PTPN13: variants seen among roughly 807,000 people sequenced by gnomAD.
PTPN13 encodes the protein tyrosine-protein phosphatase non-receptor type 13.
PTPN13 carries 191 observed loss-of-function variants against 284.0 expected under a neutral mutation model. That is an observed-to-expected ratio of 0.67 (90% CI 0.60 to 0.76). The LOEUF (loss-of-function observed/expected upper bound fraction) is 0.76. Ranked by LOEUF, PTPN13 falls within the 30% of genes least tolerant of loss-of-function variation. PTPN13 has a pLI of 0.00. For missense variants in PTPN13, 2,797 were observed against 2,939.9 expected, an observed-to-expected ratio of 0.95 and a Z score of 1.12; for synonymous variants, 986 against 1,022.3, an observed-to-expected ratio of 0.96 and a Z score of 0.68.
chr4:86,741,881 A>G (rs181644899), intron 16 of PTPN13, 65 bp downstream of exon 16: 62 of 1,380,458 alleles, frequency 4.5e-5, no homozygotes, highest in Admixed American at 6.6e-5. Flanking sequence ...AATGTAACAT[A>G]TTAACAGACT....
At chr4:86,648,220 T>C (rs1398348311) in intron 2 of PTPN13, among the ~76,000 whole-genome samples, 4 of 152,180 alleles carry the variant, frequency 2.6e-5, no homozygotes, top group Non-Finnish European at 4.4e-5. Flanking sequence ...CATTTCTTTG[T>C]GTTAAGAACA....
intron 8 of PTPN13, 142 bp from the exon 9 acceptor site, chr4:86,716,882 A>C (rs1733086675): frequency 9.4e-6 from 6 of 639,318 alleles, no homozygotes; most frequent in African/African-American, 1.8e-5. Flanking sequence ...ACCTCAAAAG[A>C]GTTTAATAAC....
chr4:86,783,758 T>A (rs1166056289), intron 37 of PTPN13, among the ~76,000 whole-genome samples: 1 of 152,118 alleles, frequency 6.6e-6, no homozygotes, highest in African/African-American at 2.4e-5. Flanking sequence ...TATAAAATTA[T>A]TTTAATTTAT....
chr4:86,597,602 T>C (rs1382710536), intron 1 of PTPN13, among the ~76,000 whole-genome samples: 1 of 152,156 alleles, frequency 6.6e-6, no homozygotes, highest in Non-Finnish European at 1.5e-5. Flanking sequence ...TAATAATCCT[T>C]TGAGTTTGGG....
At chr4:86,797,900 A>G (rs1053224055) in intron 41 of PTPN13, among the ~76,000 whole-genome samples, 1 of 152,078 alleles carries the variant, frequency 6.6e-6, no homozygotes, top group Admixed American at 6.5e-5. Context: ...GGGGACTTCA[A>G]AAAGTTCATG....
chr4:86,759,469 C>T (rs995532052), intron 23 of PTPN13, among the ~76,000 whole-genome samples: 2 of 152,216 alleles, frequency 1.3e-5, no homozygotes, highest in Admixed American at 6.5e-5. Context: ...AGCTATATGA[C>T]TTAAGCCTTC....
intron 7 of PTPN13, among the ~76,000 whole-genome samples, chr4:86,705,982 T>A (rs1210440384): frequency 6.6e-6 from 1 of 152,178 alleles, no homozygotes; most frequent in African/African-American, 2.4e-5. Context: ...AATATAGCTT[T>A]TTCCTTAACC....
chr4:86,802,596 G>C (rs1485001571), intron 42 of PTPN13, among the ~76,000 whole-genome samples: 1 of 152,134 alleles, frequency 6.6e-6, no homozygotes, highest in African/African-American at 2.4e-5. Flanking sequence ...GTGGGAGTGT[G>C]CTAGGGCTGA....
At chr4:86,814,372 C>T (rs1745569924) in intron 47 of PTPN13, 84 bp from the exon 48 acceptor site, 12 of 896,718 alleles carry the variant, frequency 1.3e-5, no homozygotes, top group South Asian at 2.2e-5. Flanking sequence ...CATCCAACAT[C>T]ACTTCCAATA....
At chr4:86,682,427 T>G (rs1279591551) in intron 3 of PTPN13, among the ~76,000 whole-genome samples, 1 of 131,874 alleles carries the variant, frequency 7.6e-6, no homozygotes, top group Non-Finnish European at 1.7e-5. Context: ...GATCAAAACT[T>G]TTTTTTTTTT....
At chr4:86,670,127 C>T (rs1465710493) in intron 2 of PTPN13, among the ~76,000 whole-genome samples, 4 of 149,748 alleles carry the variant, frequency 2.7e-5, no homozygotes, top group Non-Finnish European at 4.4e-5. Context: ...GTTTGAGTAC[C>T]CTAGGGCTCA....
rs544971012 is a variant in PTPN13 at position 86,613,633 on chromosome 4, C to CAAAAAAAAAAAAAAAAAAAA, written c.-6+18862_-6+18863insAAAAAAAAAAAAAAAAAAAA. Among the ~76,000 whole-genome samples, 139 of 61,432 alleles carry CAAAAAAAAAAAAAAAAAAAA rather than the reference C, an allele frequency of 2.3e-3. 2 individuals carry two copies. The highest frequency in any genetic ancestry group is 3.2e-3 in the Non-Finnish European group (90 of 27,810). 40.3% of individuals were successfully genotyped at this position (61,432 alleles called of 152,430 possible). A position where few individuals can be genotyped will look rare whatever the true frequency, so the allele number is the denominator to read the frequency against. On this transcript the variant is annotated intron_variant, in intron 1 of 47. Transcript: ENST00000411767. ...TGGGCGACAAGGTGAGACTCCGTCT[C>CAAAAAAAAAAAAAAAAAAAA]AAAAAAAAAAAAAAAAAAGAGTTTG...
At chr4:86,789,232 A>G (rs769599254) in intron 40 of PTPN13, among the ~76,000 whole-genome samples, 1 of 152,224 alleles carries the variant, frequency 6.6e-6, no homozygotes. Context: ...ATGGATCAAT[A>G]TGCTTTCTAA....
intron 6 of PTPN13, among the ~76,000 whole-genome samples, chr4:86,699,549 C>T (rs1730934401): frequency 6.6e-6 from 1 of 152,144 alleles, no homozygotes; most frequent in South Asian, 2.1e-4. Context: ...AAAAGTGAAA[C>T]AGTCATTGTG....
chr4:86,789,351 A>G (rs1248912883), intron 40 of PTPN13, among the ~76,000 whole-genome samples: 1 of 152,154 alleles, frequency 6.6e-6, no homozygotes, highest in Non-Finnish European at 1.5e-5. Context: ...ACTCTCCATC[A>G]CCTGAGGATA....
chr4:86,782,372 A>G (rs1247483613), intron 37 of PTPN13, 110 bp downstream of exon 37: 1 of 1,009,338 alleles, frequency 9.9e-7, no homozygotes, highest in Non-Finnish European at 1.5e-6. Flanking sequence ...TTCTTTAGAT[A>G]TTCATATTAA....
At chr4:86,615,583 T>C (rs906352996) in intron 1 of PTPN13, among the ~76,000 whole-genome samples, 1 of 152,116 alleles carries the variant, frequency 6.6e-6, no homozygotes, top group Non-Finnish European at 1.5e-5. Flanking sequence ...GGAAAACATG[T>C]TAGAGGTCCT....
chr4:86,605,938 G>C (rs1764701681), intron 1 of PTPN13, among the ~76,000 whole-genome samples: 1 of 151,772 alleles, frequency 6.6e-6, no homozygotes, highest in South Asian at 2.1e-4. Flanking sequence ...GAACAGTGAT[G>C]GCCTCAGTCC....
In PTPN13 at chr4:86,612,726, G is replaced by A. The variant is rs576844309; in HGVS notation, c.-6+17937G>A. 2.6e-5 allele frequency among the ~76,000 whole-genome samples: 4 copies of A among 152,304 alleles called. No individual in the cohort carries two copies. The South Asian group carries it at 6.2e-4, about 24-fold the overall frequency. ...AAGGCAAGCGAGCATGTGGGACAGA[G>A]AGAGGAAATTGGGTTACGTACAGAG... On this transcript the variant is annotated intron_variant, in intron 1 of 47. Transcript: ENST00000411767.
Sources: gnomAD v4.1 joint callset for allele counts (sites outside exome capture counted in the v4.1 genomes callset) on GRCh38, gnomAD v4.1.1 for gene constraint, MANE v1.5 for transcripts, NCBI Gene and HGNC (gene_info 2026-07-23, HGNC 2026-07-21) for gene names.